NRXN3: variants seen among roughly 807,000 people sequenced by gnomAD.
NRXN3 encodes the protein neurexin 3.
In NRXN3, 32 loss-of-function variants were observed where a neutral mutation model predicts 137.6. That is an observed-to-expected ratio of 0.23 (90% CI 0.18 to 0.31). The LOEUF (loss-of-function observed/expected upper bound fraction) is 0.31, where lower values mean the gene tolerates loss of function less well. Ranked by LOEUF, NRXN3 falls within the 10% of genes least tolerant of loss-of-function variation. The probability of loss-of-function intolerance (pLI) is 1.00; values close to 1 mark genes in which losing one functional copy is unlikely to be tolerated. For synonymous variants in NRXN3, 798 were observed against 784.5 expected (o/e 1.02, Z -0.29); for missense variants, 1,574 against 2,062.5 (o/e 0.76, Z 4.59).
At chr14:78,941,731 T>C (rs558099388) in intron 10 of NRXN3, among the ~76,000 whole-genome samples, 13 of 152,366 alleles carry the variant, frequency 8.5e-5, no homozygotes, top group African/African-American at 3.1e-4. Flanking sequence ...AAATGCTTAC[T>C]TCCCAGTATT....
intron 16 of NRXN3, among the ~76,000 whole-genome samples, chr14:79,478,752 T>G (rs57583777): frequency 0.031 from 4,682 of 151,996 alleles, 249 homozygotes; most frequent in African/African-American, 0.11. Context: ...TCTTGGTACC[T>G]AAGGAGATGG....
At chr14:79,216,203 A>G (rs2068476694) in intron 15 of NRXN3, among the ~76,000 whole-genome samples, 1 of 152,132 alleles carries the variant, frequency 6.6e-6, no homozygotes, top group Admixed American at 6.6e-5. Context: ...GGCTGAAGTT[A>G]GCTGAGATGG....
chr14:78,530,335 T>A (rs2096443038), intron 4 of NRXN3, among the ~76,000 whole-genome samples: 1 of 152,216 alleles, frequency 6.6e-6, no homozygotes, highest in Non-Finnish European at 1.5e-5. Context: ...GGGACAGGGC[T>A]CTCAGCCACT....
chr14:78,438,800 C>T (rs779546758), intron 4 of NRXN3, among the ~76,000 whole-genome samples: 8 of 152,014 alleles, frequency 5.3e-5, no homozygotes, highest in Admixed American at 1.3e-4. Context: ...AGAACAAGGA[C>T]ACAGCTGTGT....
At chr14:79,383,374 T>C (rs2094523389) in intron 15 of NRXN3, among the ~76,000 whole-genome samples, 1 of 152,170 alleles carries the variant, frequency 6.6e-6, no homozygotes, top group African/African-American at 2.4e-5. Context: ...CCCTCTTCTT[T>C]CTCTTGGACA....
At chr14:79,503,324 T>A (rs2096843072) in intron 16 of NRXN3, among the ~76,000 whole-genome samples, 1 of 152,158 alleles carries the variant, frequency 6.6e-6, no homozygotes, top group South Asian at 2.1e-4. Context: ...AAAACCTCAC[T>A]GACACAGCAT....
intron 16 of NRXN3, among the ~76,000 whole-genome samples, chr14:79,510,852 C>T (rs936624412): frequency 1.3e-5 from 2 of 152,194 alleles, no homozygotes; most frequent in Admixed American, 6.5e-5. Flanking sequence ...GTGGAGACTA[C>T]GAGTAATTAA....
intron 15 of NRXN3, among the ~76,000 whole-genome samples, chr14:79,158,057 G>T (rs1195159846): frequency 6.6e-6 from 1 of 151,700 alleles, no homozygotes; most frequent in Non-Finnish European, 1.5e-5. Flanking sequence ...TGTCCATTAA[G>T]AAGATAATAA....
intron 16 of NRXN3, among the ~76,000 whole-genome samples, chr14:79,577,955 C>T (rs545538108): frequency 6.6e-6 from 1 of 152,252 alleles, no homozygotes; most frequent in South Asian, 2.1e-4. Context: ...CTTCAGAAAT[C>T]CAGGTGCATT....
At chr14:78,993,540 A>G (rs1364011288) in intron 15 of NRXN3, among the ~76,000 whole-genome samples, 1 of 152,212 alleles carries the variant, frequency 6.6e-6, no homozygotes, top group African/African-American at 2.4e-5. Context: ...GGCCATATGT[A>G]AGAAGTTCAC....
intron 15 of NRXN3, among the ~76,000 whole-genome samples, chr14:79,336,804 C>G (rs1439393253): frequency 1.3e-5 from 2 of 152,160 alleles, no homozygotes; most frequent in East Asian, 3.9e-4. Flanking sequence ...TGGTTTCCAT[C>G]CACACATTCT....
chr14:78,361,447 T>C (rs1478851494), intron 4 of NRXN3, among the ~76,000 whole-genome samples: 1 of 152,070 alleles, frequency 6.6e-6, no homozygotes, highest in African/African-American at 2.4e-5. Context: ...TGAAAGAGAA[T>C]AGTCTGCAAG....
Position 78,709,171 on chromosome 14 carries a change from G to C in NRXN3, c.1222-46G>C, listed in dbSNP as rs113987080. ...GCCCAGTGAGTGATGGATGGATACT[G>C]TTTGCAAGATTGATTCACATGGCAC... On this transcript the variant is annotated intron_variant, in intron 6 of 20. Coordinates refer to ENST00000335750, the MANE Select transcript of NRXN3 (RefSeq NM_001330195.2). 241 of 1,560,006 alleles carry C rather than the reference G, an allele frequency of 1.5e-4. 2 individuals carry two copies. In the Middle Eastern group the frequency reaches 2.9e-3, roughly 19 times the overall value.
In NRXN3 at chr14:78,885,814, C is replaced by T. The variant is rs185348088; in HGVS notation, c.2276-71428C>T. ...GCTAGAGTAAACACTAGCTAATAAACCACCCTCCTAAACCTCAGCAAACTA... is the reference window on the plus strand; with the variant it reads ...GCTAGAGTAAACACTAGCTAATAAATCACCCTCCTAAACCTCAGCAAACTA... On this transcript the variant is annotated intron_variant, in intron 10 of 20. Transcript: ENST00000335750. 1.1e-3 allele frequency among the ~76,000 whole-genome samples: 163 copies of T among 152,186 alleles called. 2 individuals are homozygous for T. Among genetic ancestry groups the T allele is most frequent in the African/African-American group, 3.5e-3 (147 of 41,532 alleles).
At position 78,230,620 on chromosome 14, in the gene NRXN3, T is replaced by G. The variant is rs139377010; in HGVS notation, c.-703-11771T>G. On this transcript the variant is annotated intron_variant, in intron 1 of 20. Coordinates refer to ENST00000335750, the MANE Select transcript of NRXN3 (RefSeq NM_001330195.2). ...GAAGAGGGAGTCAGCCATGAGAAGG[T>G]TTGAAGAAGGGCATTTCAGGCAGTG... is the stretch of plus-strand genomic sequence containing the variant. 2.0e-4 allele frequency among the ~76,000 whole-genome samples: 30 copies of G among 152,060 alleles called. 1 individual carries two copies. In the East Asian group the frequency reaches 5.8e-3, roughly 29 times the overall value.
Position 79,399,800 on chromosome 14 carries a change from C to T in NRXN3, c.3263-67421C>T, listed in dbSNP as rs188150572. On this transcript the variant is annotated intron_variant, in intron 15 of 20. Coordinates refer to ENST00000335750, the MANE Select transcript of NRXN3 (RefSeq NM_001330195.2). ...ATTGGAAAATCAGTTTCTCCCAGTT[C>T]GGGAGAATAGAAGGCCAAAATCAAG... Among the ~76,000 whole-genome samples the T allele has an allele frequency of 3.9e-5, 6 of 152,220 alleles. No individual in the cohort carries two copies. In the East Asian group the frequency reaches 5.8e-4, roughly 15 times the overall value.
intron 8 of NRXN3, among the ~76,000 whole-genome samples, chr14:78,797,647 T>G (rs1362441696): frequency 6.6e-6 from 1 of 152,060 alleles, no homozygotes; most frequent in African/African-American, 2.4e-5. Flanking sequence ...AATGGTAGAT[T>G]AGAGTTGGCA....
rs368024571 is a variant in NRXN3 at position 79,275,426 on chromosome 14, C to T, written c.3263-191795C>T. ...GTGCAGTTCATATGAGATGTGCCTG[C>T]GAAGAACAACTTGACAGGTAGCTCC... On this transcript the variant is annotated intron_variant, in intron 15 of 20. Coordinates refer to ENST00000335750, the MANE Select transcript of NRXN3 (RefSeq NM_001330195.2). Among the ~76,000 whole-genome samples, 24 of 152,150 alleles carry T rather than the reference C, an allele frequency of 1.6e-4. No homozygotes were observed. The South Asian group carries it at 2.5e-3, about 16-fold the overall frequency.
intron 4 of NRXN3, among the ~76,000 whole-genome samples, chr14:78,342,337 A>G (rs751995188): frequency 6.6e-6 from 1 of 152,184 alleles, no homozygotes; most frequent in Non-Finnish European, 1.5e-5. Context: ...AGGCATTGTT[A>G]TAGGGAATAC....
Sources: allele counts gnomAD v4.1 joint callset (sites outside exome capture counted in the v4.1 genomes callset), GRCh38; gene constraint gnomAD v4.1.1; transcripts MANE v1.5; gene names NCBI Gene and HGNC (gene_info 2026-07-23, HGNC 2026-07-21).